CARD8: variants seen among roughly 807,000 people sequenced by gnomAD.
CARD8 encodes the protein caspase recruitment domain-containing protein 8.
In CARD8, 38 loss-of-function variants were observed where a neutral mutation model predicts 53.2. The observed-to-expected ratio is 0.71, with a 90% confidence interval of 0.55 to 0.94. The LOEUF (loss-of-function observed/expected upper bound fraction) is 0.94, where lower values mean the gene tolerates loss of function less well. Among genes scored for constraint, CARD8 ranks in the 40% least tolerant of loss-of-function variants. The pLI is 0.00. For synonymous variants in CARD8, 245 were observed against 244.9 expected, an observed-to-expected ratio of 1.00 and a Z score of 0.00; for missense variants, 561 against 655.5, an observed-to-expected ratio of 0.86 and a Z score of 1.57.
chr19:48,238,288 T>A, intron 5 of CARD8, 95 bp downstream of exon 5: 1 of 1,447,598 alleles, frequency 6.9e-7, no homozygotes, highest in Non-Finnish European at 9.1e-7. Flanking sequence ...TTTATGCAAA[T>A]AACCTGCATG....
intron 3 of CARD8, among the ~76,000 whole-genome samples, chr19:48,242,374 G>A (rs62129798): frequency 0.16 from 24,271 of 151,694 alleles, 2,032 homozygotes; most frequent in East Asian, 0.32. Flanking sequence ...CTCCAGAACT[G>A]TGAGAAATAA....
chr19:48,238,661 CAT>C, intron 4 of CARD8, 129 bp from the exon 5 acceptor site: 2 of 782,318 alleles, frequency 2.6e-6, no homozygotes, highest in South Asian at 3.7e-5. Context: ...CATGCCCATC[CAT>C]AGAGATGCCA....
At chr19:48,215,080 G>A (rs2038986680) in intron 13 of CARD8, 2 of 337,556 alleles carry the variant, frequency 5.9e-6, no homozygotes, top group Non-Finnish European at 1.1e-5. Context: ...GTGAGCCACT[G>A]CGCCTGGCCT....
At chr19:48,251,429 C>A (rs1441160936) in intron 1 of CARD8, among the ~76,000 whole-genome samples, 1 of 152,128 alleles carries the variant, frequency 6.6e-6, no homozygotes. Context: ...ATCCGCATAT[C>A]AGCCTTGAGG....
intron 5 of CARD8, among the ~76,000 whole-genome samples, chr19:48,237,498 T>A (rs1050934058): frequency 6.6e-6 from 1 of 152,082 alleles, no homozygotes; most frequent in Non-Finnish European, 1.5e-5. Flanking sequence ...ATCGCTATTG[T>A]TACAGGAAGT....
chr19:48,219,625 G>A (rs2040078712), intron 11 of CARD8, among the ~76,000 whole-genome samples: 1 of 152,088 alleles, frequency 6.6e-6, no homozygotes, highest in Non-Finnish European at 1.5e-5. Flanking sequence ...ATTGTTGGCT[G>A]GAATCTTTTT....
chr19:48,243,076 G>C (rs1417631236), intron 3 of CARD8, among the ~76,000 whole-genome samples: 1 of 152,094 alleles, frequency 6.6e-6, no homozygotes, highest in Non-Finnish European at 1.5e-5. Flanking sequence ...TCATTAATTT[G>C]TAATTAGTCA....
chr19:48,233,225 G>C (rs1860267927), intron 6 of CARD8: 1 of 416,002 alleles, frequency 2.4e-6, no homozygotes, highest in South Asian at 1.7e-5. Context: ...GTGAGCCAAT[G>C]GTTCGTCATG....
intron 6 of CARD8, chr19:48,233,036 T>C (rs544734478): frequency 1.1e-5 from 4 of 354,032 alleles, no homozygotes; most frequent in Admixed American, 4.0e-5. Context: ...TGTATGCATT[T>C]ATATTCCAAG....
intron 10 of CARD8, among the ~76,000 whole-genome samples, chr19:48,224,879 G>A (rs1048061369): frequency 1.8e-4 from 27 of 151,004 alleles, no homozygotes; most frequent in African/African-American, 5.8e-4. Flanking sequence ...TCAGCCTCCC[G>A]AGTAGCTGGG....
At chr19:48,204,795 T>C (rs1314924854), downstream of CARD8, among the ~76,000 whole-genome samples, 1 of 152,114 alleles carries the variant, frequency 6.6e-6, no homozygotes, top group Non-Finnish European at 1.5e-5. Context: ...ATAAGTTAAT[T>C]CTGTTGTTAT....
At chr19:48,215,089 C>G (rs2038990958) in intron 13 of CARD8, 1 of 358,232 alleles carries the variant, frequency 2.8e-6, no homozygotes, top group African/African-American at 2.1e-5. Context: ...TGCGCCTGGC[C>G]TCTTGCTGTA....
rs2038026026 is a variant in CARD8, at chr19:48,211,826, C to T, written c.1498G>A (p.Glu500Lys). ...EQEKTRQSKNEALLSMVEKKG... is the reference protein window; with the variant it reads ...EQEKTRQSKNKALLSMVEKKG... ...TTCTCCACCATGCTCAGCAAGGCCT[C>T]ATTCTTGCTCTGCCGTGTCTTTTCC... The change falls in exon 14 of 14, where the codon GAG (glutamate) becomes AAG (lysine). Residue 500 changes from glutamate (E) to lysine (K), a missense_variant. Transcript: ENST00000651546. The T allele has an allele frequency of 6.2e-7, 1 of 1,614,174 alleles. No individual in the cohort carries two copies. Among genetic ancestry groups the T allele is most frequent in the Non-Finnish European group, 8.5e-7 (1 of 1,180,034 alleles).
At position 48,218,853 on chromosome 19, in the gene CARD8, C is replaced by A. The variant is rs1429332525; in HGVS notation, c.1303+18G>T. The A allele has an allele frequency of 6.2e-7, 1 of 1,613,336 alleles. No individual in the cohort carries two copies. The highest frequency in any genetic ancestry group is 1.1e-5 in the South Asian group (1 of 91,014). The stretch of plus-strand genomic sequence containing the variant: ...ATGGATCCCTGTCTAAAAATGCCAG[C>A]CTCGCCCACTCACCTACCTGGCTTC... On this transcript the variant is annotated intron_variant, in intron 12 of 13. Transcript: ENST00000651546.
downstream of CARD8, among the ~76,000 whole-genome samples, chr19:48,207,178 AGAAAAG>A (rs1568594241): frequency 1.9e-4 from 25 of 131,696 alleles, no homozygotes; most frequent in Non-Finnish European, 3.2e-4. Context: ...AAAAAAAAAA[AGAAAAG>A]AAAAGAAAAA....
At position 48,211,730 on chromosome 19, in the gene CARD8, G is replaced by T; in HGVS notation, c.1594C>A (p.Leu532Ile). Residue 532 changes from leucine (L) to isoleucine (I), a missense_variant, in exon 14 of 14, where the codon CTT becomes ATT. Transcript: ENST00000651546. ...SERDPYLVSY[L>I]RQQNL ...TCATTTTACAAATTCTGCTGTCTAA[G>T]ATAGGACACGAGGTAAGGGTCCCTT... is the stretch of plus-strand genomic sequence containing the variant. The T allele has an allele frequency of 6.2e-7, 1 of 1,614,074 alleles. No homozygotes were observed. The highest frequency in any genetic ancestry group is 1.1e-5 in the South Asian group (1 of 91,070).
intron 11 of CARD8, among the ~76,000 whole-genome samples, chr19:48,220,102 G>C (rs913606149): frequency 3.9e-5 from 6 of 152,148 alleles, no homozygotes; most frequent in African/African-American, 1.4e-4. Context: ...GGAAGGTTCT[G>C]CAACAGCCAA....
intron 13 of CARD8, among the ~76,000 whole-genome samples, 185 bp from the exon 14 acceptor site, chr19:48,212,160 T>C (rs2008527): frequency 0.31 from 47,723 of 152,182 alleles, 7,836 homozygotes; most frequent in East Asian, 0.52. Context: ...TCAAATGCAT[T>C]GAGGTGTCTC....
intron 1 of CARD8, among the ~76,000 whole-genome samples, chr19:48,254,842 A>G (rs1212078512): frequency 6.6e-6 from 1 of 152,202 alleles, no homozygotes; most frequent in Non-Finnish European, 1.5e-5. Flanking sequence ...AACCTTACAT[A>G]AAGGTCTTCA....
Sources: gnomAD v4.1 joint callset for allele counts (sites outside exome capture counted in the v4.1 genomes callset) on GRCh38, gnomAD v4.1.1 for gene constraint, MANE v1.5 for transcripts, NCBI Gene and HGNC (gene_info 2026-07-23, HGNC 2026-07-21) for gene names.